The following TRIM41 variants were observed in gnomAD, a reference collection of about 807,000 sequenced individuals.
TRIM41 encodes E3 ubiquitin-protein ligase TRIM41.
Under a neutral mutation model 60.6 loss-of-function variants are expected in TRIM41, and 21 were observed. The observed-to-expected ratio is 0.35, with a 90% CI of 0.25 to 0.50. The LOEUF (loss-of-function observed/expected upper bound fraction) is 0.50. Among genes scored for constraint, TRIM41 ranks in the 20% least tolerant of loss-of-function variants. TRIM41 has a pLI of 0.98. For missense variants in TRIM41, 846 were observed against 868.3 expected (o/e 0.97, Z 0.32); for synonymous variants, 407 against 344.9 (o/e 1.18, Z -2.00).
At position 181,233,838 on chromosome 5, in the gene TRIM41, G is replaced by C. The variant is rs1758920160; in HGVS notation, c.1291+75G>C. Reference sequence around the variant, plus strand: ...TGAGACTGGGTCCTGAGGGAAGTTGGGCCCCAGGGAAACTGTGGGGCTTGA... The same window carrying C: ...TGAGACTGGGTCCTGAGGGAAGTTGCGCCCCAGGGAAACTGTGGGGCTTGA... On this transcript the variant is annotated intron_variant, in intron 5 of 5. Coordinates refer to ENST00000315073, the MANE Select transcript of TRIM41 (RefSeq NM_033549.5). The surrounding 1 kb of genome is among the most constrained non-coding windows in gnomAD (Gnocchi z 4.1). 1 of 1,606,776 alleles carries C rather than the reference G, an allele frequency of 6.2e-7. No individual in the cohort carries two copies. Among genetic ancestry groups the C allele is most frequent in the Admixed American group, 1.7e-5 (1 of 59,768 alleles).
intron 2 of TRIM41, chr5:181,231,959 C>T (rs1295575703): frequency 6.6e-6 from 1 of 152,146 alleles, no homozygotes; most frequent in Non-Finnish European, 1.5e-5. Flanking sequence ...TACATAATAT[C>T]CTTGATTTTT....
intron 1 of TRIM41, chr5:181,226,783 C>T (rs1309042144): frequency 6.6e-6 from 1 of 152,142 alleles, no homozygotes; most frequent in Non-Finnish European, 1.5e-5. Flanking sequence ...TTGCATTAGC[C>T]AAATTTGTTC....
Position 181,232,761 on chromosome 5 carries a change from A to G in TRIM41, c.1012A>G (p.Met338Val). The G allele has an allele frequency of 6.2e-7, 1 of 1,613,620 alleles. No homozygotes were observed. The highest frequency in any genetic ancestry group is 8.5e-7 in the Non-Finnish European group (1 of 1,179,952). The change falls in exon 3 of 6, where the codon ATG becomes GTG. Residue 338 changes from methionine (M) to valine (V), a missense_variant. Coordinates refer to ENST00000315073, the MANE Select transcript of TRIM41 (RefSeq NM_033549.5). ...QAGLERRLREMHEAQLGRAGA... is the reference protein window; with the variant it reads ...QAGLERRLREVHEAQLGRAGA... ...AGGGCTGGAACGGCGTCTCAGAGAG[A>G]TGCATGAAGCCCAGCTGGGGCGTGC...
chr5:181,231,210 C>G (rs553463220), intron 2 of TRIM41: 1 of 277,146 alleles, frequency 3.6e-6, no homozygotes, highest in Non-Finnish European at 7.2e-6. Context: ...CAGAGCAGCC[C>G]TAAGCATGAG....
Position 181,233,484 on chromosome 5 carries a change from T to C in TRIM41, c.1163+49T>C, listed in dbSNP as rs1173560301. The C allele has an allele frequency of 9.3e-6, 15 of 1,613,978 alleles. No individual in the cohort carries two copies. The highest frequency in any genetic ancestry group is 1.3e-5 in the African/African-American group (1 of 74,918). On this transcript the variant is annotated intron_variant, in intron 4 of 5. Coordinates refer to ENST00000315073, the MANE Select transcript of TRIM41 (RefSeq NM_033549.5). The surrounding 1 kb of genome is among the most constrained non-coding windows in gnomAD (Gnocchi z 4.1). ...CGTGACCCAGTGGCATCTGGTTCCC[T>C]GTCCCTGCTTCTCTTCGGTATCCCT...
At position 181,235,594 on chromosome 5, in the gene TRIM41, C is replaced by T. The variant is rs1759075909; in HGVS notation, c.*819C>T. The T allele has an allele frequency of 2.9e-6, 2 of 692,614 alleles. No individual in the cohort carries two copies. Among genetic ancestry groups the T allele is most frequent in the Non-Finnish European group, 4.8e-6 (2 of 417,674 alleles). The allele number at this position is 692,614 out of a possible 1,614,324, so 42.9% of individuals were successfully genotyped here. ...AGCTGGCTTTTCTCCCAGCCCCTTTCCATGCCTTTCACTCCATTTGGCAAG... is the reference window on the plus strand; with the variant it reads ...AGCTGGCTTTTCTCCCAGCCCCTTTTCATGCCTTTCACTCCATTTGGCAAG... On this transcript the variant is annotated 3_prime_UTR_variant, in exon 6 of 6. Coordinates refer to ENST00000315073, the MANE Select transcript of TRIM41 (RefSeq NM_033549.5).
rs980445756 is a variant in TRIM41 at position 181,223,540 on chromosome 5, G to T, written c.-460G>T. 2.2e-6 allele frequency: 1 copy of T among 446,084 alleles called. No individual in the cohort carries two copies. Among genetic ancestry groups the T allele is most frequent in the South Asian group, 6.7e-5 (1 of 14,958 alleles). The allele number at this position is 446,084 out of a possible 1,614,324, so 27.6% of individuals were successfully genotyped here. On this transcript the variant is annotated 5_prime_UTR_variant, in exon 1 of 6. The change abolishes the stop of an existing upstream ORF in the 5' untranslated region. Coordinates refer to ENST00000315073, the MANE Select transcript of TRIM41 (RefSeq NM_033549.5). ...CCGCCCTGTTCTCTAGTGCGGACTA[G>T]AGCGTCTCCTCGCCATTTCCTGTCG...
In TRIM41 at chr5:181,234,861, C is replaced by T. The variant is rs1333467089; in HGVS notation, c.*86C>T. On this transcript the variant is annotated 3_prime_UTR_variant, in exon 6 of 6. Coordinates refer to ENST00000315073, the MANE Select transcript of TRIM41 (RefSeq NM_033549.5). The surrounding 1 kb of genome is among the most constrained non-coding windows in gnomAD (Gnocchi z 5.6). ...GCCCGTAAGTTTGAGGGCTCAAAGG[C>T]TCTTCCCACTGCTTGTTACTGTGTT... The T allele has an allele frequency of 2.5e-6, 4 of 1,610,524 alleles. No homozygotes were observed. The highest frequency in any genetic ancestry group is 2.2e-5 in the East Asian group (1 of 44,874).
chr5:181,228,955 A>C (rs1391248237), intron 1 of TRIM41: 1 of 151,782 alleles, frequency 6.6e-6, no homozygotes, highest in Non-Finnish European at 1.5e-5. Context: ...AAAAAAAAAA[A>C]AAACAGTAAA....
Position 181,224,509 on chromosome 5 carries a change from A to C in TRIM41, c.510A>C (p.Pro170=), listed in dbSNP as rs1384855866. Residue 170 remains proline (P), a synonymous_variant, in exon 1 of 6, where the codon CCA becomes CCC. Transcript: ENST00000315073. The stretch of plus-strand genomic sequence containing the variant: ...AAGAGGATCTAGACCCCGTCACCCC[A>C]CTGCCCCCGCCTCCAGCCCCTCGGA... ...VEEEDLDPVT[P]LPPPPAPRRC... is the part of the protein sequence containing the mutation. 1 of 1,612,084 alleles carries C rather than the reference A, an allele frequency of 6.2e-7. No individual in the cohort carries two copies. The highest frequency in any genetic ancestry group is 1.1e-5 in the South Asian group (1 of 90,978).
At position 181,224,343 on chromosome 5, in the gene TRIM41, C is replaced by T. The variant is rs1314066868; in HGVS notation, c.344C>T (p.Ser115Phe). 1.9e-6 allele frequency: 3 copies of T among 1,612,774 alleles called. No individual in the cohort carries two copies. Among genetic ancestry groups the T allele is most frequent in the African/African-American group, 2.7e-5 (2 of 74,370 alleles). ...TTCTGGACCAGTGGCATGAGCAGGT[C>T]CAGCTGGGACAACATGGACTATGTG... ...GVFWTSGMSR[S>F]SWDNMDYVWE... Residue 115 changes from serine to phenylalanine, a missense_variant, in exon 1 of 6, where the codon TCC becomes TTC. Ser to Phe is a radical substitution (Grantham distance 155). Coordinates refer to ENST00000315073, the MANE Select transcript of TRIM41 (RefSeq NM_033549.5).
Position 181,235,204 on chromosome 5 carries a change from C to T in TRIM41, c.*429C>T. The T allele has an allele frequency of 1.9e-6, 3 of 1,552,460 alleles. No homozygotes were observed. The highest frequency in any genetic ancestry group is 1.2e-5 in the South Asian group (1 of 83,914). ...CAAGGCAACATCCCCATTCCAATTC[C>T]ATTTTCTGATGCAGATTTTAGCTGA... On this transcript the variant is annotated 3_prime_UTR_variant, in exon 6 of 6. Transcript: ENST00000315073.
Position 181,234,455 on chromosome 5 carries a change from G to A in TRIM41, c.1573G>A (p.Ala525Thr). The change falls in exon 6 of 6, where the codon GCC (alanine) becomes ACC (threonine). Residue 525 changes from alanine to threonine, a missense_variant. Ala to Thr is a moderately conservative substitution (Grantham distance 58). Coordinates refer to ENST00000315073, the MANE Select transcript of TRIM41 (RefSeq NM_033549.5). The surrounding 1 kb of genome is among the most constrained non-coding windows in gnomAD (Gnocchi z 5.6). ...GGGTTCCTCCGTGGGCAGCGGGGAT[G>A]CCAGCTCCTCGCGCCATCACCATCG... ...PGGSSVGSGD[A>T]SSSRHHHRRR... The A allele has an allele frequency of 6.2e-7, 1 of 1,611,990 alleles. No homozygotes were observed. The highest frequency in any genetic ancestry group is 1.3e-5 in the African/African-American group (1 of 74,992).
intron 1 of TRIM41, chr5:181,229,633 C>G (rs1269335963): frequency 1.3e-5 from 2 of 152,248 alleles, no homozygotes; most frequent in Non-Finnish European, 2.9e-5. Context: ...GGAGAGAAAG[C>G]AGATGAGCAG....
intron 2 of TRIM41, 58 bp from the exon 3 acceptor site, chr5:181,232,601 G>T: frequency 6.5e-7 from 1 of 1,533,546 alleles, no homozygotes; most frequent in Middle Eastern, 1.9e-4. Flanking sequence ...TTGCAAAACT[G>T]GAGGTTATCT....
rs369269974 is a variant in TRIM41 at position 181,232,705 on chromosome 5, G to A, written c.956G>A (p.Arg319Gln). 2.5e-6 allele frequency: 4 copies of A among 1,613,970 alleles called. No homozygotes were observed. The highest frequency in any genetic ancestry group is 2.7e-5 in the African/African-American group (2 of 74,944). ...ELAAVASEFGRLTRFLAEEQA... is the reference protein window; with the variant it reads ...ELAAVASEFGQLTRFLAEEQA... ...GCAGCGGTGGCCTCGGAGTTTGGGC[G>A]ACTGACACGGTTTCTGGCTGAAGAG... Residue 319 changes from arginine (R) to glutamine (Q), a missense_variant, in exon 3 of 6, where the codon CGA becomes CAA. Transcript: ENST00000315073.
chr5:181,224,095 C>T lies in TRIM41; in HGVS notation c.96C>T (p.Ser32=), dbSNP rs769985787. 19 of 1,614,148 alleles carry T rather than the reference C, an allele frequency of 1.2e-5. 1 individual carries two copies. The South Asian group carries it at 1.9e-4, about 16-fold the overall frequency. The stretch of plus-strand genomic sequence containing the variant: ...TCGATTACTTCACGGACCCCGTGTC[C>T]ATCGGCTGCGGGCACAACTTCTGCC... The part of the protein sequence containing the change: ...ICLDYFTDPV[S]IGCGHNFCRV... Residue 32 remains serine (S), a synonymous_variant, in exon 1 of 6, where the codon TCC becomes TCT. Coordinates refer to ENST00000315073, the MANE Select transcript of TRIM41 (RefSeq NM_033549.5).
chr5:181,226,548 A>G (rs532474322), intron 1 of TRIM41: 1 of 152,358 alleles, frequency 6.6e-6, no homozygotes, highest in East Asian at 1.9e-4. Context: ...GGATCACTGC[A>G]TTGGTAACAT....
Position 181,235,362 on chromosome 5 carries a change from G to T in TRIM41, c.*587G>T, listed in dbSNP as rs754932028. The T allele has an allele frequency of 7.4e-6, 12 of 1,614,206 alleles. No homozygotes were observed. The highest frequency in any genetic ancestry group is 9.3e-6 in the Non-Finnish European group (11 of 1,180,030). On this transcript the variant is annotated 3_prime_UTR_variant, in exon 6 of 6. Coordinates refer to ENST00000315073, the MANE Select transcript of TRIM41 (RefSeq NM_033549.5). ...AATTTCTACCTCCATAGACCGGCCA[G>T]AATTTAGCTTCACTTGAGAGAGATC...
Sources: allele counts gnomAD v4.1 joint callset, GRCh38; gene constraint gnomAD v4.1.1; non-coding constraint Gnocchi (gnomAD v3.1); transcripts MANE v1.5; gene names NCBI Gene and HGNC (gene_info 2026-07-23, HGNC 2026-07-21).